MYLK3: variants seen among roughly 807,000 people sequenced by gnomAD.
MYLK3 encodes the protein MLC kinase.
In MYLK3, 55 loss-of-function variants were observed where a neutral mutation model predicts 76.3. The observed-to-expected ratio is 0.72, with a 90% CI of 0.58 to 0.90. The LOEUF (loss-of-function observed/expected upper bound fraction) is 0.90. Among genes scored for constraint, MYLK3 ranks in the 40% least tolerant of loss-of-function variants. The pLI is 0.00. For missense variants in MYLK3, 973 were observed against 1,053.6 expected (o/e 0.92, Z 1.06); for synonymous variants, 416 against 425.4 (o/e 0.98, Z 0.27).
At chr16:46,714,427 T>C (rs537125665) in intron 9 of MYLK3, among the ~76,000 whole-genome samples, 3 of 152,108 alleles carry the variant, frequency 2.0e-5, no homozygotes, top group Non-Finnish European at 4.4e-5. Context: ...CCAACACAGC[T>C]GAGCCCATCC....
In MYLK3 at chr16:46,704,668, G is replaced by A. The variant is rs1259454453; in HGVS notation, c.*3036C>T. 3 of 152,098 alleles carry A rather than the reference G, an allele frequency of 2.0e-5. No individual in the cohort carries two copies. Among genetic ancestry groups the A allele is most frequent in the Non-Finnish European group, 2.9e-5 (2 of 68,008 alleles). The allele number at this position is 152,098 out of a possible 1,614,324, so 9.4% of individuals were successfully genotyped here. The stretch of plus-strand genomic sequence containing the variant: ...AATTATTAAAATTGGCTTTCAATGG[G>A]TTTTGTTAGAGAAGCTACTAGAAAT... On this transcript the variant is annotated 3_prime_UTR_variant, in exon 13 of 13. Coordinates refer to ENST00000394809, the MANE Select transcript of MYLK3 (RefSeq NM_182493.3).
At chr16:46,744,327 C>T (rs1478997780) in intron 1 of MYLK3, among the ~76,000 whole-genome samples, 2 of 101,468 alleles carry the variant, frequency 2.0e-5, no homozygotes, top group African/African-American at 3.7e-5. Context: ...CCACCACACC[C>T]AGCTTTTTTT....
chr16:46,718,355 A>G (rs888455419), intron 9 of MYLK3, among the ~76,000 whole-genome samples: 2 of 152,194 alleles, frequency 1.3e-5, no homozygotes, highest in African/African-American at 4.8e-5. Context: ...ATGAACTACA[A>G]TACACTGTGT....
intron 9 of MYLK3, among the ~76,000 whole-genome samples, chr16:46,713,635 C>T (rs1205055219): frequency 6.6e-6 from 1 of 152,198 alleles, no homozygotes; most frequent in Admixed American, 6.5e-5. Flanking sequence ...CTGAAGTATA[C>T]AATACATTAA....
chr16:46,739,640 C>T (rs1036520870), intron 2 of MYLK3, among the ~76,000 whole-genome samples: 1 of 152,050 alleles, frequency 6.6e-6, no homozygotes, highest in African/African-American at 2.4e-5. Context: ...TTTTATCTTC[C>T]TTGTGATCAC....
chr16:46,721,892 GAAGAAA>G (rs1966803601), intron 8 of MYLK3, among the ~76,000 whole-genome samples: 1 of 152,140 alleles, frequency 6.6e-6, no homozygotes, highest in Non-Finnish European at 1.5e-5. Context: ...ATTAAAAAAA[GAAGAAA>G]AAGAAAAAGT....
At chr16:46,740,552 T>TATA (rs56281590) in intron 1 of MYLK3, among the ~76,000 whole-genome samples, 16,130 of 90,576 alleles carry the variant, frequency 0.18, 1,132 homozygotes, top group East Asian at 0.36. Context: ...TATATATATA[T>TATA]TTTTTTTTTT....
intron 2 of MYLK3, among the ~76,000 whole-genome samples, chr16:46,739,682 C>G (rs1426505229): frequency 1.3e-5 from 2 of 152,194 alleles, no homozygotes; most frequent in Non-Finnish European, 2.9e-5. Context: ...TTAGCTTACT[C>G]TAAGAATACC....
chr16:46,748,020 G>A lies in MYLK3; in HGVS notation c.174C>T (p.Gly58=), dbSNP rs1203440590. Residue 58 remains glycine (G), a synonymous_variant, in exon 1 of 13, where the codon GGC becomes GGT. Transcript: ENST00000394809. The surrounding 1 kb of genome is among the most constrained non-coding windows in gnomAD (Gnocchi z 4.3). ...GCCTGTGCAGGCCCCGCTCCAGGTGGCCCATGTCTCGGCACATGCTCTGCA... is the reference window on the plus strand; with the variant it reads ...GCCTGTGCAGGCCCCGCTCCAGGTGACCCATGTCTCGGCACATGCTCTGCA... ...EKLQSMCRDM[G]HLERGLHRLE... 1.9e-6 allele frequency: 3 copies of A among 1,613,814 alleles called. No homozygotes were observed. The highest frequency in any genetic ancestry group is 2.5e-6 in the Non-Finnish European group (3 of 1,180,040).
upstream of MYLK3, among the ~76,000 whole-genome samples, chr16:46,752,126 C>T (rs1025253241): frequency 2.0e-5 from 3 of 152,140 alleles, no homozygotes; most frequent in African/African-American, 4.8e-5. Flanking sequence ...TCTATTCACC[C>T]TAGGGTGGGG....
intron 9 of MYLK3, among the ~76,000 whole-genome samples, chr16:46,714,889 A>T (rs1041667085): frequency 6.6e-6 from 1 of 152,190 alleles, no homozygotes; most frequent in African/African-American, 2.4e-5. Flanking sequence ...TATGTGGGTA[A>T]ATGCTTCACA....
chr16:46,736,936 G>T (rs896344599), intron 3 of MYLK3, among the ~76,000 whole-genome samples: 2 of 152,166 alleles, frequency 1.3e-5, no homozygotes, highest in Non-Finnish European at 2.9e-5. Flanking sequence ...CCGAGAGCAG[G>T]TCCTCAGGCT....
At chr16:46,761,889 C>T (rs1218072772) in intron 1 of MYLK3, among the ~76,000 whole-genome samples, 1 of 145,428 alleles carries the variant, frequency 6.9e-6, no homozygotes, top group Non-Finnish European at 1.5e-5. Context: ...GTAAGTCATG[C>T]CTTAATCAGT....
chr16:46,746,806 A>G (rs1238449592), intron 1 of MYLK3, among the ~76,000 whole-genome samples: 1 of 151,932 alleles, frequency 6.6e-6, no homozygotes, highest in African/African-American at 2.4e-5. Flanking sequence ...CGGTGCAGAC[A>G]GCGGGGGCTA....
Position 46,703,331 on chromosome 16 carries a change from C to G in MYLK3, c.*4373G>C, listed in dbSNP as rs1317751134. ...TTGAATAAATCTCTATACAATTGTTCAAGTACGGAGGGATAAATTTCTAGA... is the reference window on the plus strand; with the variant it reads ...TTGAATAAATCTCTATACAATTGTTGAAGTACGGAGGGATAAATTTCTAGA... On this transcript the variant is annotated 3_prime_UTR_variant, in exon 13 of 13. Transcript: ENST00000394809. 6.6e-6 allele frequency: 1 copy of G among 152,128 alleles called. No individual in the cohort carries two copies. Among genetic ancestry groups the G allele is most frequent in the Non-Finnish European group, 1.5e-5 (1 of 68,022 alleles). 9.4% of individuals were successfully genotyped at this position (152,128 alleles called of 1,614,324 possible).
chr16:46,702,661 C>G lies in MYLK3; in HGVS notation c.*5043G>C, dbSNP rs1212337384. Among the ~76,000 whole-genome samples the G allele has an allele frequency of 1.9e-4, 29 of 152,184 alleles. No individual in the cohort carries two copies. The highest frequency in any genetic ancestry group is 1.5e-5 in the Non-Finnish European group (1 of 68,030). On this transcript the variant is annotated 3_prime_UTR_variant, in exon 13 of 13. Transcript: ENST00000394809. Reference sequence around the variant, plus strand: ...TGCGGGCCAGGCGCAGTGGCTCACACCTGTAATCCCAGCACTTTGGGAGGC... The same window carrying G: ...TGCGGGCCAGGCGCAGTGGCTCACAGCTGTAATCCCAGCACTTTGGGAGGC...
At position 46,738,102 on chromosome 16, in the gene MYLK3, G is replaced by A; in HGVS notation, c.610C>T (p.Leu204=). ...AGCCCTGACGCTCTGATGGGGGGCA[G>A]CCTCTCCGCTGTCCCCTCCAGCACG... ...ADVLEGTAER[L]PPIRASGLGA... Residue 204 remains leucine, a synonymous_variant, in exon 3 of 13, where the codon CTG becomes TTG. Transcript: ENST00000394809. 1.9e-6 allele frequency: 3 copies of A among 1,585,336 alleles called. No homozygotes were observed. The highest frequency in any genetic ancestry group is 2.6e-6 in the Non-Finnish European group (3 of 1,166,296).
chr16:46,760,015 A>G (rs377766878), intron 1 of MYLK3, among the ~76,000 whole-genome samples: 5 of 152,228 alleles, frequency 3.3e-5, no homozygotes, highest in African/African-American at 9.6e-5. Flanking sequence ...TACATCTTCC[A>G]GCTGCCAATT....
intron 9 of MYLK3, among the ~76,000 whole-genome samples, chr16:46,716,485 ATGTGTATATATATGTGTGTGTGTG>A (rs1567281968): frequency 8.5e-6 from 1 of 117,828 alleles, no homozygotes; most frequent in African/African-American, 3.2e-5. Context: ...GTGTGTGTGT[ATGTGTATATATATGTGTGTGTGTG>A]TGTGTGTGTG....
Sources: gnomAD v4.1 joint callset for allele counts (sites outside exome capture counted in the v4.1 genomes callset) on GRCh38, gnomAD v4.1.1 for gene constraint, Gnocchi (gnomAD v3.1) non-coding constraint, MANE v1.5 for transcripts, NCBI Gene and HGNC (gene_info 2026-07-23, HGNC 2026-07-21) for gene names.